OLFM3: variants seen among roughly 807,000 people sequenced by gnomAD.
OLFM3 encodes the protein noelin-3.
A neutral mutation model predicts 48.6 loss-of-function variants in OLFM3; 20 were observed. That is an observed-to-expected ratio of 0.41 (90% CI 0.29 to 0.60). The LOEUF (loss-of-function observed/expected upper bound fraction) is 0.60. OLFM3 is among the 20% of genes least tolerant of loss of function. The pLI, the probability that OLFM3 is intolerant of heterozygous loss-of-function variation, is 0.28. For synonymous variants in OLFM3, 222 were observed against 198.1 expected (o/e 1.12, Z -1.01); for missense variants, 437 against 544.3 (o/e 0.80, Z 1.96).
intron 1 of OLFM3, chr1:101,846,701 T>C (rs1656011347): frequency 3.4e-6 from 2 of 593,522 alleles, no homozygotes; most frequent in East Asian, 2.7e-5. Context: ...TAAATAAATA[T>C]GATGAAAGTT....
intron 1 of OLFM3, among the ~76,000 whole-genome samples, chr1:101,972,685 T>G (rs17125902): frequency 0.063 from 9,654 of 152,254 alleles, 733 homozygotes; most frequent in East Asian, 0.35. Flanking sequence ...AGTCTTGATA[T>G]AAAAGATTCA....
chr1:101,804,935 T>G lies in OLFM3; in HGVS notation c.700-20A>C. The G allele has an allele frequency of 6.4e-7, 1 of 1,564,138 alleles. No homozygotes were observed. The highest frequency in any genetic ancestry group is 1.7e-4 in the Middle Eastern group (1 of 5,860). On this transcript the variant is annotated intron_variant, in intron 5 of 5. Transcript: ENST00000370103. This position sits in a 1 kb window ranked among gnomAD's most constrained non-coding sequence, Gnocchi z 4.5. ...CCAGACCTGAGAAGAAGGAAAAAAATAAATGGAGTGACTAAATTCTGTACT... is the reference window on the plus strand; with the variant it reads ...CCAGACCTGAGAAGAAGGAAAAAAAGAAATGGAGTGACTAAATTCTGTACT...
chr1:101,938,432 C>T (rs970880518), intron 1 of OLFM3, among the ~76,000 whole-genome samples: 33 of 152,116 alleles, frequency 2.2e-4, no homozygotes, highest in South Asian at 4.1e-4. Flanking sequence ...CTTAGGAGAC[C>T]ATGAACACAT....
intron 1 of OLFM3, among the ~76,000 whole-genome samples, chr1:101,869,907 A>G (rs1474330009): frequency 1.3e-5 from 2 of 152,158 alleles, no homozygotes; most frequent in Admixed American, 6.6e-5. Context: ...CCAGCTTTGC[A>G]GAAGTGTGAG....
intron 1 of OLFM3, among the ~76,000 whole-genome samples, chr1:101,928,905 G>A (rs1328879279): frequency 6.6e-6 from 1 of 152,070 alleles, no homozygotes; most frequent in Admixed American, 6.6e-5. Flanking sequence ...TGGATCTAAG[G>A]ATGTTTGATG....
At chr1:101,814,166 A>T (rs1395120030) in intron 4 of OLFM3, among the ~76,000 whole-genome samples, 1 of 152,050 alleles carries the variant, frequency 6.6e-6, no homozygotes, top group African/African-American at 2.4e-5. Context: ...TACTCCAGTC[A>T]GTCTTACCGT....
intron 1 of OLFM3, among the ~76,000 whole-genome samples, chr1:101,905,041 G>T (rs902440916): frequency 2.0e-5 from 3 of 152,116 alleles, no homozygotes; most frequent in African/African-American, 7.2e-5. Context: ...TCTAAAAGAA[G>T]GTTTTGGTAG....
intron 1 of OLFM3, among the ~76,000 whole-genome samples, chr1:101,865,718 T>C (rs1656833741): frequency 6.6e-6 from 1 of 152,198 alleles, no homozygotes; most frequent in Non-Finnish European, 1.5e-5. Context: ...TGGGAGACAC[T>C]GGCTGTAGTG....
intron 4 of OLFM3, among the ~76,000 whole-genome samples, chr1:101,824,125 T>C (rs114498543): frequency 0.015 from 2,324 of 152,180 alleles, 66 homozygotes; most frequent in African/African-American, 0.053. Flanking sequence ...TGTGTGTGTG[T>C]GCTTTACTTC....
chr1:101,884,483 C>G (rs568701819), intron 1 of OLFM3, among the ~76,000 whole-genome samples: 1 of 150,566 alleles, frequency 6.6e-6, no homozygotes, highest in African/African-American at 2.4e-5. Flanking sequence ...TTCTGAAAAA[C>G]AAAAACAAAA....
chr1:101,833,160 T>C (rs139832697), intron 2 of OLFM3, among the ~76,000 whole-genome samples: 127 of 152,360 alleles, frequency 8.3e-4, no homozygotes, highest in African/African-American at 3.0e-3. Context: ...AGCCTGTCTT[T>C]ATTTCTGCCT....
chr1:101,881,167 C>T (rs944113549), intron 1 of OLFM3, among the ~76,000 whole-genome samples: 1 of 151,892 alleles, frequency 6.6e-6, no homozygotes, highest in Non-Finnish European at 1.5e-5. Flanking sequence ...CTCTGGATAA[C>T]TTCAGTTGAC....
intron 4 of OLFM3, among the ~76,000 whole-genome samples, chr1:101,808,899 A>G (rs1653913862): frequency 6.6e-6 from 1 of 151,854 alleles, no homozygotes; most frequent in Admixed American, 6.6e-5. Context: ...GATAGACAAG[A>G]TCCTAGTACC....
intron 4 of OLFM3, among the ~76,000 whole-genome samples, chr1:101,815,307 C>T (rs908274801): frequency 1.3e-5 from 2 of 151,708 alleles, no homozygotes; most frequent in South Asian, 2.1e-4. Flanking sequence ...AATAGCCGGG[C>T]GTAGTGGCGG....
At chr1:101,972,923 G>GT (rs1483824928) in intron 1 of OLFM3, among the ~76,000 whole-genome samples, 1 of 152,128 alleles carries the variant, frequency 6.6e-6, no homozygotes, top group Admixed American at 6.6e-5. Context: ...TAGCTACAGT[G>GT]TGCCTCCTCT....
intron 1 of OLFM3, chr1:101,893,987 C>T (rs887418795): frequency 6.5e-6 from 1 of 153,424 alleles, no homozygotes; most frequent in Non-Finnish European, 1.5e-5. Flanking sequence ...GGGACCATTA[C>T]AATGGAAAAG....
chr1:101,916,283 G>T (rs1165069000), intron 1 of OLFM3, among the ~76,000 whole-genome samples: 2 of 152,082 alleles, frequency 1.3e-5, no homozygotes, highest in Non-Finnish European at 1.5e-5. Flanking sequence ...TAGCCCAGTG[G>T]TGGCATAATA....
intron 1 of OLFM3, among the ~76,000 whole-genome samples, chr1:101,945,936 T>C (rs1387507025): frequency 1.3e-5 from 2 of 152,158 alleles, no homozygotes; most frequent in African/African-American, 4.8e-5. Context: ...GTATTTCCTG[T>C]TGATAATGTT....
chr1:101,868,689 T>C (rs756363199), intron 1 of OLFM3, among the ~76,000 whole-genome samples: 1 of 152,186 alleles, frequency 6.6e-6, no homozygotes, highest in Non-Finnish European at 1.5e-5. Context: ...GGAAAATGTC[T>C]CCAAGGCATG....
Sources: gnomAD v4.1 joint callset for allele counts (sites outside exome capture counted in the v4.1 genomes callset) on GRCh38, gnomAD v4.1.1 for gene constraint, Gnocchi (gnomAD v3.1) non-coding constraint, MANE v1.5 for transcripts, NCBI Gene and HGNC (gene_info 2026-07-23, HGNC 2026-07-21) for gene names.